Variants in VAC14 observed in about 807,000 individuals in gnomAD.
VAC14 encodes VAC14 component of PIKFYVE complex.
A neutral mutation model predicts 85.3 loss-of-function variants in VAC14; 47 were observed. The ratio of observed to expected loss-of-function variants is 0.55; its 90% CI spans 0.44 to 0.70. The LOEUF is 0.70. VAC14 is among the 30% of genes least tolerant of loss of function. The probability of loss-of-function intolerance (pLI) is 0.00; values close to 1 mark genes in which losing one functional copy is unlikely to be tolerated. For missense variants in VAC14, 861 were observed against 1,004.3 expected, an observed-to-expected ratio of 0.86 and a Z score of 1.93; for synonymous variants, 447 against 430.5, an observed-to-expected ratio of 1.04 and a Z score of -0.47.
intron 1 of VAC14, among the ~76,000 whole-genome samples, chr16:70,794,366 C>T (rs8044133): frequency 0.23 from 35,326 of 152,158 alleles, 5,804 homozygotes; most frequent in African/African-American, 0.48. Context: ...CCATTTTATA[C>T]AAATAGAATC....
intron 10 of VAC14, among the ~76,000 whole-genome samples, chr16:70,766,019 G>C (rs2032781757): frequency 6.6e-6 from 1 of 152,030 alleles, no homozygotes. Flanking sequence ...TATGGTCCCA[G>C]CCACTCGGGA....
Position 70,781,873 on chromosome 16 carries a change from C to A in VAC14, c.942G>T (p.Lys314Asn), listed in dbSNP as rs2033827409. The A allele has an allele frequency of 6.2e-7, 1 of 1,614,024 alleles. No individual in the cohort carries two copies. The highest frequency in any genetic ancestry group is 8.5e-7 in the Non-Finnish European group (1 of 1,179,968). ...CTCTCCCAAAGCAAAGGATACTTTT[C>A]TTGCGGTCATCGTAGGCCAAGCAGG... ...VLPCLAYDDR[K>N]KSIKEVANVC... Residue 314 changes from lysine (K) to asparagine (N), a missense_variant, in exon 8 of 19, where the codon AAG becomes AAT. Physicochemically the swap from Lys to Asn is moderately conservative, Grantham distance 94. Transcript: ENST00000261776.
At chr16:70,705,971 G>C (rs1057236652) in intron 14 of VAC14, among the ~76,000 whole-genome samples, 1 of 152,184 alleles carries the variant, frequency 6.6e-6, no homozygotes, top group South Asian at 2.1e-4. Flanking sequence ...ACAGATACAG[G>C]AAGGTCTCCT....
At chr16:70,748,092 C>G (rs990235532) in intron 12 of VAC14, among the ~76,000 whole-genome samples, 1 of 152,068 alleles carries the variant, frequency 6.6e-6, no homozygotes, top group Non-Finnish European at 1.5e-5. Flanking sequence ...GTCACCTGCT[C>G]AAGGTAACAG....
At chr16:70,713,795 C>A (rs1476719576) in intron 14 of VAC14, among the ~76,000 whole-genome samples, 2 of 151,516 alleles carry the variant, frequency 1.3e-5, no homozygotes, top group African/African-American at 4.9e-5. Context: ...CCACCCACCT[C>A]TGCCTACTAA....
At position 70,783,014 on chromosome 16, in the gene VAC14, G is replaced by A. The variant is rs1251678357; in HGVS notation, c.811+19C>T. On this transcript the variant is annotated intron_variant, in intron 7 of 18. Coordinates refer to ENST00000261776, the MANE Select transcript of VAC14 (RefSeq NM_018052.5). ...GCAGCAGTGGCAGCCGTGGCTGTGG[G>A]CCCTCCCCCAATACTCACCTGTTGT... 1.9e-6 allele frequency: 3 copies of A among 1,609,224 alleles called. No homozygotes were observed. Among genetic ancestry groups the A allele is most frequent in the Non-Finnish European group, 2.5e-6 (3 of 1,177,044 alleles).
chr16:70,749,614 C>T (rs1195749796), intron 12 of VAC14, among the ~76,000 whole-genome samples: 2 of 152,234 alleles, frequency 1.3e-5, no homozygotes, highest in African/African-American at 4.8e-5. Context: ...TAAAGCAGGA[C>T]CCCGAAACAG....
chr16:70,791,095 G>A (rs993972106), intron 1 of VAC14, among the ~76,000 whole-genome samples: 5 of 152,158 alleles, frequency 3.3e-5, no homozygotes, highest in African/African-American at 1.2e-4. Flanking sequence ...CCTTCCTGCT[G>A]GGCTCCCAGC....
intron 14 of VAC14, among the ~76,000 whole-genome samples, chr16:70,711,164 C>A (rs1200507676): frequency 6.6e-6 from 1 of 152,240 alleles, no homozygotes; most frequent in East Asian, 1.9e-4. Flanking sequence ...CAGAGCCTGG[C>A]TGTATGCATG....
intron 12 of VAC14, among the ~76,000 whole-genome samples, chr16:70,760,933 G>A (rs540144257): frequency 4.7e-5 from 7 of 150,480 alleles, no homozygotes; most frequent in African/African-American, 1.7e-4. Context: ...CCTGGGCCTC[G>A]CGCTGCAGGG....
Position 70,772,145 on chromosome 16 carries a change from C to T in VAC14, c.1124G>A (p.Ser375Asn). ...SGGPDGSCDS[S>N]FSSGISVFTA... is the part of the protein sequence containing the mutation. The stretch of plus-strand genomic sequence containing the variant: ...GAAGACACTGATGCCGCTACTGAAG[C>T]TGGAGTCACAGGAACCATCTGGACC... The change falls in exon 10 of 19, where the codon AGC (serine) becomes AAC (asparagine). Residue 375 changes from serine to asparagine, a missense_variant. Ser to Asn is a conservative substitution (Grantham distance 46). Transcript: ENST00000261776. 1 of 1,614,142 alleles carries T rather than the reference C, an allele frequency of 6.2e-7. No homozygotes were observed. The highest frequency in any genetic ancestry group is 1.3e-5 in the African/African-American group (1 of 75,056).
At chr16:70,764,095 T>C (rs1026986394) in intron 10 of VAC14, among the ~76,000 whole-genome samples, 1 of 152,236 alleles carries the variant, frequency 6.6e-6, no homozygotes, top group Non-Finnish European at 1.5e-5. Context: ...AATTATTCAT[T>C]TGCATCAGGA....
At chr16:70,703,923 G>A (rs1283781301) in intron 14 of VAC14, among the ~76,000 whole-genome samples, 3 of 152,218 alleles carry the variant, frequency 2.0e-5, no homozygotes, top group Non-Finnish European at 4.4e-5. Flanking sequence ...TAGGAGAGAC[G>A]TGGCTCTGCA....
At chr16:70,789,048 G>A (rs1232749065) in intron 1 of VAC14, among the ~76,000 whole-genome samples, 2 of 152,270 alleles carry the variant, frequency 1.3e-5, no homozygotes, top group Non-Finnish European at 2.9e-5. Context: ...AAGCTGGCAT[G>A]AAACCTGAGA....
Position 70,687,763 on chromosome 16 carries a change from G to T in VAC14, c.*165C>A, listed in dbSNP as rs573869404. ...GCTGGAGGCCTGGGGACTGGACTCT[G>T]AGAGGAGCTTGGGCAGACACAGCAG... On this transcript the variant is annotated 3_prime_UTR_variant, in exon 19 of 19. Coordinates refer to ENST00000261776, the MANE Select transcript of VAC14 (RefSeq NM_018052.5). 13 of 721,622 alleles carry T rather than the reference G, an allele frequency of 1.8e-5. No individual in the cohort carries two copies. The East Asian group carries it at 4.1e-4, about 23-fold the overall frequency. 44.7% of individuals were successfully genotyped at this position (721,622 alleles called of 1,614,324 possible).
Position 70,762,439 on chromosome 16 carries a change from T to C in VAC14, c.1371+101A>G, listed in dbSNP as rs2032467588. On this transcript the variant is annotated intron_variant, in intron 12 of 18. Transcript: ENST00000261776. The surrounding 1 kb of genome is among the most constrained non-coding windows in gnomAD (Gnocchi z 4.1). ...TGAGTATTAAACACAGCTTTACCTCTAGGAAGGATGCACTGTACCAAAATA... is the reference window on the plus strand; with the variant it reads ...TGAGTATTAAACACAGCTTTACCTCCAGGAAGGATGCACTGTACCAAAATA... The C allele has an allele frequency of 1.7e-6, 2 of 1,210,020 alleles. No individual in the cohort carries two copies. The highest frequency in any genetic ancestry group is 3.9e-5 in the Admixed American group (2 of 51,702). The allele number at this position is 1,210,020 out of a possible 1,614,324, so 75.0% of individuals were successfully genotyped here. A position where few individuals can be genotyped will look rare whatever the true frequency, so the allele number is the denominator to read the frequency against.
chr16:70,707,865 G>A (rs1046675260), intron 14 of VAC14, among the ~76,000 whole-genome samples: 4 of 150,506 alleles, frequency 2.7e-5, no homozygotes, highest in Non-Finnish European at 4.4e-5. Context: ...ATCTTGGCTC[G>A]CTGCAACCTC....
At chr16:70,772,349 T>A (rs920941234) in intron 9 of VAC14, 177 bp from the exon 10 acceptor site, 3 of 585,064 alleles carry the variant, frequency 5.1e-6, no homozygotes, top group Non-Finnish European at 6.1e-6. Flanking sequence ...TCATTCTCGA[T>A]AGTCCCCAAG....
At position 70,762,219 on chromosome 16, in the gene VAC14, C is replaced by T. The variant is rs1192854430; in HGVS notation, c.1371+321G>A. 6.6e-6 allele frequency among the ~76,000 whole-genome samples: 1 copy of T among 152,090 alleles called. No homozygotes were observed. The highest frequency in any genetic ancestry group is 1.9e-4 in the East Asian group (1 of 5,176). On this transcript the variant is annotated intron_variant, in intron 12 of 18. Transcript: ENST00000261776. The surrounding 1 kb of genome is among the most constrained non-coding windows in gnomAD (Gnocchi z 4.1). ...GCCTCCTGGGTTCAAGCAATTCTCC[C>T]ACCTCAACCTCCTGAGCAGCTGGGA...
Sources: allele counts gnomAD v4.1 joint callset (sites outside exome capture counted in the v4.1 genomes callset), GRCh38; gene constraint gnomAD v4.1.1; non-coding constraint Gnocchi (gnomAD v3.1); transcripts MANE v1.5; gene names NCBI Gene and HGNC (gene_info 2026-07-23, HGNC 2026-07-21).